UMPS: variants seen among roughly 807,000 people sequenced by gnomAD.
UMPS encodes the protein uridine 5'-monophosphate synthase.
A neutral mutation model predicts 38.9 loss-of-function variants in UMPS; 21 were observed. That is an observed-to-expected ratio of 0.54 (90% CI 0.38 to 0.78). The LOEUF is 0.78. UMPS is among the 30% of genes least tolerant of loss of function. The pLI, the probability that UMPS is intolerant of heterozygous loss-of-function variation, is 0.00. For synonymous variants in UMPS, 208 were observed against 219.3 expected, an observed-to-expected ratio of 0.95 and a Z score of 0.45; for missense variants, 533 against 591.6, an observed-to-expected ratio of 0.90 and a Z score of 1.03.
At position 124,747,523 on chromosome 3, in the gene UMPS, C is replaced by G. The variant is rs1221448830; in HGVS notation, c.*3439C>G. 6.6e-6 allele frequency: 3 copies of G among 453,996 alleles called. No homozygotes were observed. The highest frequency in any genetic ancestry group is 1.3e-5 in the Non-Finnish European group (3 of 226,802). The allele number at this position is 453,996 out of a possible 1,614,324, so 28.1% of individuals were successfully genotyped here. On this transcript the variant is annotated 3_prime_UTR_variant, in exon 6 of 6. Coordinates refer to ENST00000232607, the MANE Select transcript of UMPS (RefSeq NM_000373.4). ...ATGGGAAGAATATGCCCTGGTTAGC[C>G]CATGGCTTCTGAAGAGCAAGAGAAA...
rs1344015553 is a variant in UMPS, at chr3:124,749,103, A to ATGAT, written c.*5022_*5025dup. The ATGAT allele has an allele frequency of 2.2e-6, 1 of 454,108 alleles. No individual in the cohort carries two copies. The highest frequency in any genetic ancestry group is 4.4e-6 in the Non-Finnish European group (1 of 226,798). The allele number at this position is 454,108 out of a possible 1,614,324, so 28.1% of individuals were successfully genotyped here. A position where few individuals can be genotyped will look rare whatever the true frequency, so the allele number is the denominator to read the frequency against. ...GGTGAGACTTGGGGAGGATCCTGAA[A>ATGAT]TGATTGTATTTAACAAGACATGCTG... On this transcript the variant is annotated 3_prime_UTR_variant, in exon 6 of 6. Transcript: ENST00000232607.
chr3:124,742,032 T>C (rs563068331), intron 4 of UMPS, 120 bp from the exon 5 acceptor site: 5 of 856,192 alleles, frequency 5.8e-6, no homozygotes, highest in East Asian at 4.9e-5. Flanking sequence ...CCAGGGAACA[T>C]AGGGAGACCT....
chr3:124,736,452 G>C (rs1202111228), intron 2 of UMPS, among the ~76,000 whole-genome samples: 1 of 151,984 alleles, frequency 6.6e-6, no homozygotes, highest in Non-Finnish European at 1.5e-5. Flanking sequence ...CGTAAGGGCA[G>C]TGTTAGTTTT....
intron 3 of UMPS, among the ~76,000 whole-genome samples, chr3:124,738,960 A>T (rs948341039): frequency 1.3e-5 from 2 of 152,238 alleles, no homozygotes; most frequent in Non-Finnish European, 2.9e-5. Context: ...GTTGTGTCAT[A>T]TAACATTTTT....
At chr3:124,740,854 G>A (rs913616018) in intron 4 of UMPS, among the ~76,000 whole-genome samples, 34 of 152,194 alleles carry the variant, frequency 2.2e-4, no homozygotes, top group Admixed American at 1.8e-3. Context: ...GGAGGCTGAG[G>A]TGGGAGGATC....
chr3:124,746,611 G>C lies in UMPS; in HGVS notation c.*2527G>C. The stretch of plus-strand genomic sequence containing the variant: ...TTACAGAACATGATCTCTGGGCATT[G>C]TAACTCCTGGTCTTAGTGGGGAATA... On this transcript the variant is annotated 3_prime_UTR_variant, in exon 6 of 6. Transcript: ENST00000232607. The C allele has an allele frequency of 2.2e-6, 1 of 454,114 alleles. No individual in the cohort carries two copies. Among genetic ancestry groups the C allele is most frequent in the Non-Finnish European group, 4.4e-6 (1 of 226,792 alleles). The allele number at this position is 454,114 out of a possible 1,614,324, so 28.1% of individuals were successfully genotyped here.
intron 1 of UMPS, among the ~76,000 whole-genome samples, chr3:124,734,352 A>G (rs1205717517): frequency 6.6e-6 from 1 of 152,220 alleles, no homozygotes; most frequent in African/African-American, 2.4e-5. Context: ...TAAAATAGCA[A>G]TTCACACAAT....
chr3:124,737,612 T>C lies in UMPS; in HGVS notation c.355T>C (p.Cys119Arg). The C allele has an allele frequency of 6.2e-7, 1 of 1,614,240 alleles. No individual in the cohort carries two copies. The highest frequency in any genetic ancestry group is 8.5e-7 in the Non-Finnish European group (1 of 1,180,046). Residue 119 changes from cysteine to arginine, a missense_variant, in exon 3 of 6, where the codon TGT (cysteine) becomes CGT (arginine). Transcript: ENST00000232607. ...AGGAACTATTAATCCAGGAGAAACC[T>C]GTTTAATCATTGAAGATGTTGTCAC... Reference protein sequence around the residue: ...VEGTINPGETCLIIEDVVTSG... With the variant: ...VEGTINPGETRLIIEDVVTSG...
rs759777446 is a variant in UMPS, at chr3:124,745,633, G to A, written c.*1549G>A. On this transcript the variant is annotated 3_prime_UTR_variant, in exon 6 of 6. Transcript: ENST00000232607. ...CTGCATCTCCAGGGAAATGCTGTCT[G>A]TGGGAGAGACCAACTCTCAAGGAAG... is the stretch of plus-strand genomic sequence containing the variant. 1 of 454,108 alleles carries A rather than the reference G, an allele frequency of 2.2e-6. No individual in the cohort carries two copies. The highest frequency in any genetic ancestry group is 4.4e-6 in the Non-Finnish European group (1 of 226,782). The allele number at this position is 454,108 out of a possible 1,614,324, so 28.1% of individuals were successfully genotyped here.
chr3:124,746,057 G>A lies in UMPS; in HGVS notation c.*1973G>A, dbSNP rs2063594563. ...CTGGACTTTGAGAACCACTTCACTG[G>A]TTATTCACATTTCTGCCTCTGCAGT... On this transcript the variant is annotated 3_prime_UTR_variant, in exon 6 of 6. Transcript: ENST00000232607. 2.2e-6 allele frequency: 1 copy of A among 454,048 alleles called. No homozygotes were observed. Among genetic ancestry groups the A allele is most frequent in the Non-Finnish European group, 4.4e-6 (1 of 226,814 alleles). The allele number at this position is 454,048 out of a possible 1,614,324, so 28.1% of individuals were successfully genotyped here. A position where few individuals can be genotyped will look rare whatever the true frequency, so the allele number is the denominator to read the frequency against.
At position 124,748,599 on chromosome 3, in the gene UMPS, T is replaced by G. The variant is rs903255591; in HGVS notation, c.*4515T>G. ...CTCAGAGTCAGATCCTGGTGTGGGC[T>G]CTCACGTGCTGCTGCTGAATCCCAG... On this transcript the variant is annotated 3_prime_UTR_variant, in exon 6 of 6. Coordinates refer to ENST00000232607, the MANE Select transcript of UMPS (RefSeq NM_000373.4). The G allele has an allele frequency of 2.2e-6, 1 of 454,012 alleles. No individual in the cohort carries two copies. The highest frequency in any genetic ancestry group is 2.0e-5 in the African/African-American group (1 of 50,104). 28.1% of individuals were successfully genotyped at this position (454,012 alleles called of 1,614,324 possible).
At position 124,743,966 on chromosome 3, in the gene UMPS, G is replaced by A. The variant is rs138671830; in HGVS notation, c.1325G>A (p.Arg442Gln). Residue 442 changes from arginine to glutamine, a missense_variant, in exon 6 of 6, where the codon CGA becomes CAA. Arg to Gln is a conservative substitution (Grantham distance 43, BLOSUM62 1). Coordinates refer to ENST00000232607, the MANE Select transcript of UMPS (RefSeq NM_000373.4). Reference sequence around the variant, plus strand: ...AGCCCACAAGAAGTTATTGGCAAACGAGGTTCCGATATCATCATTGTAGGT... The same window carrying A: ...AGCCCACAAGAAGTTATTGGCAAACAAGGTTCCGATATCATCATTGTAGGT... ...YNSPQEVIGK[R>Q]GSDIIIVGRG... The A allele has an allele frequency of 1.1e-4, 185 of 1,614,164 alleles. No individual in the cohort carries two copies. The African/African-American group carries it at 2.3e-3, about 20-fold the overall frequency.
intron 1 of UMPS, chr3:124,732,440 G>C (rs765097370): frequency 1.3e-5 from 2 of 154,764 alleles, no homozygotes; most frequent in Non-Finnish European, 2.9e-5. Context: ...AATTACCTGG[G>C]AATTTTGTTA....
Position 124,738,023 on chromosome 3 carries a change from C to T in UMPS, c.766C>T (p.Leu256=). The change falls in exon 3 of 6, where the codon CTA becomes TTA. Residue 256 remains leucine (L), a synonymous_variant. Coordinates refer to ENST00000232607, the MANE Select transcript of UMPS (RefSeq NM_000373.4). The part of the protein sequence containing the change: ...LMQKKETNLC[L]SADVSLAREL... Reference sequence around the variant, plus strand: ...GCAAAAGAAGGAGACCAATCTGTGTCTATCTGCTGATGTTTCACTGGCCAG... The same window carrying T: ...GCAAAAGAAGGAGACCAATCTGTGTTTATCTGCTGATGTTTCACTGGCCAG... 1 of 1,614,224 alleles carries T rather than the reference C, an allele frequency of 6.2e-7. No homozygotes were observed. Among genetic ancestry groups the T allele is most frequent in the Non-Finnish European group, 8.5e-7 (1 of 1,180,036 alleles).
chr3:124,730,668 G>GA (rs773396090), intron 1 of UMPS, 41 bp downstream of exon 1: 1 of 1,600,938 alleles, frequency 6.2e-7, no homozygotes, highest in South Asian at 1.1e-5. Context: ...TTGGTGGCGG[G>GA]AAGGAGGACA....
At position 124,747,419 on chromosome 3, in the gene UMPS, G is replaced by A. The variant is rs931325978; in HGVS notation, c.*3335G>A. 2 of 453,638 alleles carry A rather than the reference G, an allele frequency of 4.4e-6. No homozygotes were observed. The highest frequency in any genetic ancestry group is 1.5e-5 in the South Asian group (1 of 64,828). 28.1% of individuals were successfully genotyped at this position (453,638 alleles called of 1,614,324 possible). On this transcript the variant is annotated 3_prime_UTR_variant, in exon 6 of 6. Coordinates refer to ENST00000232607, the MANE Select transcript of UMPS (RefSeq NM_000373.4). The stretch of plus-strand genomic sequence containing the variant: ...TCTCATCCAAAGTACCCGGTGGGTG[G>A]GAGTCACTCAGTACCAGTTCCGAGC...
intron 3 of UMPS, chr3:124,738,449 C>T (rs1359233447): frequency 3.5e-6 from 2 of 566,978 alleles, no homozygotes; most frequent in Non-Finnish European, 6.3e-6. Flanking sequence ...CTCAGGTAGG[C>T]ATACTCTGCA....
At chr3:124,739,363 G>A (rs1211665150) in intron 3 of UMPS, among the ~76,000 whole-genome samples, 2 of 152,124 alleles carry the variant, frequency 1.3e-5, no homozygotes, top group Admixed American at 1.3e-4. Flanking sequence ...ATGGGGTCTT[G>A]CTCTGTCGCC....
Position 124,740,065 on chromosome 3 carries a change from G to A in UMPS, c.1024G>A (p.Ala342Thr). ...KIASWADLVNAHVVPGSGVVK... is the reference protein window; with the variant it reads ...KIASWADLVNTHVVPGSGVVK... Reference sequence around the variant, plus strand: ...AGCTTCCTGGGCAGATCTAGTAAATGCTCACGTGGTGCCAGGCTCAGGAGT... The same window carrying A: ...AGCTTCCTGGGCAGATCTAGTAAATACTCACGTGGTGCCAGGCTCAGGAGT... The change falls in exon 4 of 6, where the codon GCT becomes ACT. Residue 342 changes from alanine (A) to threonine (T), a missense_variant. Ala to Thr is a moderately conservative substitution (Grantham distance 58, BLOSUM62 0). Transcript: ENST00000232607. The A allele has an allele frequency of 1.9e-6, 3 of 1,614,164 alleles. No individual in the cohort carries two copies. The highest frequency in any genetic ancestry group is 1.7e-4 in the Middle Eastern group (1 of 6,060).
Sources: allele counts gnomAD v4.1 joint callset (sites outside exome capture counted in the v4.1 genomes callset), GRCh38; gene constraint gnomAD v4.1.1; transcripts MANE v1.5; gene names NCBI Gene and HGNC (gene_info 2026-07-23, HGNC 2026-07-21).